The following PIK3C2G variants were observed in gnomAD, a reference collection of about 807,000 sequenced individuals.
PIK3C2G encodes phosphatidylinositol-4-phosphate 3-kinase catalytic subunit type 2 gamma.
In PIK3C2G, 168 loss-of-function variants were observed where a neutral mutation model predicts 181.1. That is an observed-to-expected ratio of 0.93 (90% CI 0.82 to 1.05). PIK3C2G has a LOEUF of 1.05. PIK3C2G is among the 50% of genes least tolerant of loss of function. PIK3C2G has a pLI of 0.00. For missense variants in PIK3C2G, 1,869 were observed against 1,732.8 expected (o/e 1.08, Z -1.40); for synonymous variants, 573 against 592.2 (o/e 0.97, Z 0.47).
Position 18,566,953 on chromosome 12 carries a change from C to T in PIK3C2G, c.3907C>T (p.Pro1303Ser), listed in dbSNP as rs146312199. ...QFASLTLPEFPHWWHLPFTNS... is the reference protein window; with the variant it reads ...QFASLTLPEFSHWWHLPFTNS... ...CTTTTTTTTCTCTTAAAACAGGTTT[C>T]CTCATTGGTGGCACCTACCTTTTAC... Residue 1303 changes from proline to serine, a missense_variant, in exon 29 of 33, where the codon CCT becomes TCT. Physicochemically the swap from Pro to Ser is moderately conservative, Grantham distance 74. Transcript: ENST00000538779. 4.4e-3 allele frequency: 6,905 copies of T among 1,560,566 alleles called. 41 individuals carry two copies. The highest frequency in any genetic ancestry group is 4.2e-3 in the Middle Eastern group (25 of 5,966).
intron 17 of PIK3C2G, among the ~76,000 whole-genome samples, chr12:18,422,457 C>A (rs79129718): frequency 1.3e-5 from 2 of 152,042 alleles, no homozygotes; most frequent in Non-Finnish European, 2.9e-5. Context: ...TATTTTGTTA[C>A]GTATTATCAT....
In PIK3C2G at chr12:18,594,516, T is replaced by C. The variant is rs1186671666; in HGVS notation, c.4034T>C (p.Phe1345Ser). 3 of 1,556,270 alleles carry C rather than the reference T, an allele frequency of 1.9e-6. No homozygotes were observed. Among genetic ancestry groups the C allele is most frequent in the South Asian group, 2.5e-5 (2 of 79,292 alleles). Residue 1345 changes from phenylalanine (F) to serine (S), a missense_variant, in exon 30 of 33, where the codon TTC (phenylalanine) becomes TCC (serine). Coordinates refer to ENST00000538779, the MANE Select transcript of PIK3C2G (RefSeq NM_001288772.2). ...VTNSDCVLSF[F>S]LSEAVQQTVE... ...CAGAGTGATTGTGTACTTAGCTTTT[T>C]CCTCTCTGAGGCTGTGCAACAAACA...
chr12:18,386,481 T>C (rs959155753), intron 14 of PIK3C2G, among the ~76,000 whole-genome samples: 1 of 152,136 alleles, frequency 6.6e-6, no homozygotes, highest in Admixed American at 6.5e-5. Context: ...TAATCTTCTT[T>C]CTATCTCTGT....
rs377195248 is a variant in PIK3C2G, at chr12:18,501,516, A to T, written c.3017-1765A>T. On this transcript the variant is annotated intron_variant, in intron 22 of 32. Transcript: ENST00000538779. Reference sequence around the variant, plus strand: ...TTGACTGGGGACACAGCTAAACCATACAACAGAGTTATTTGTTGCATTAAA... The same window carrying T: ...TTGACTGGGGACACAGCTAAACCATTCAACAGAGTTATTTGTTGCATTAAA... 2.6e-5 allele frequency among the ~76,000 whole-genome samples: 4 copies of T among 152,326 alleles called. No homozygotes were observed. The East Asian group carries it at 5.8e-4, about 22-fold the overall frequency.
At chr12:18,371,117 A>G (rs1942026304) in intron 12 of PIK3C2G, 63 bp from the exon 13 acceptor site, 1 of 1,347,442 alleles carries the variant, frequency 7.4e-7, no homozygotes, top group South Asian at 1.5e-5. Context: ...CATTATAAGA[A>G]CATTTTCATT....
chr12:18,259,503 T>C (rs574207559), upstream of PIK3C2G, among the ~76,000 whole-genome samples: 1 of 152,198 alleles, frequency 6.6e-6, no homozygotes, highest in South Asian at 2.1e-4. Flanking sequence ...GCAGTGTGTG[T>C]TCTGAAAATT....
chr12:18,361,632 T>C (rs745815257), intron 11 of PIK3C2G, among the ~76,000 whole-genome samples: 1 of 152,188 alleles, frequency 6.6e-6, no homozygotes, highest in Non-Finnish European at 1.5e-5. Context: ...ACTTGTAAAT[T>C]CCCAATTAGA....
intron 24 of PIK3C2G, among the ~76,000 whole-genome samples, chr12:18,536,546 C>T (rs547390350): frequency 1.3e-5 from 2 of 152,208 alleles, no homozygotes; most frequent in South Asian, 2.1e-4. Flanking sequence ...GCAAAAGCCT[C>T]TCTCTAATGT....
chr12:18,448,184 T>G (rs934487337), intron 18 of PIK3C2G, among the ~76,000 whole-genome samples: 1 of 152,196 alleles, frequency 6.6e-6, no homozygotes, highest in African/African-American at 2.4e-5. Flanking sequence ...TGAATAGTAT[T>G]TCCTCTCTCT....
At chr12:18,621,127 A>AT (rs1413895408) in intron 31 of PIK3C2G, among the ~76,000 whole-genome samples, 1 of 151,766 alleles carries the variant, frequency 6.6e-6, no homozygotes, top group Non-Finnish European at 1.5e-5. Flanking sequence ...TGTTTGTACA[A>AT]TTTTTTTCAG....
At chr12:18,505,018 C>T (rs979814199) in intron 23 of PIK3C2G, among the ~76,000 whole-genome samples, 1 of 152,038 alleles carries the variant, frequency 6.6e-6, no homozygotes, top group African/African-American at 2.4e-5. Flanking sequence ...CTCTAGTGAA[C>T]CAATGAAAAT....
At chr12:18,384,862 A>T (rs958125802) in intron 14 of PIK3C2G, among the ~76,000 whole-genome samples, 7 of 152,210 alleles carry the variant, frequency 4.6e-5, no homozygotes, top group African/African-American at 1.7e-4. Flanking sequence ...AATTGTATAG[A>T]CACATGAAAA....
rs539476669 is a variant in PIK3C2G at position 18,418,069 on chromosome 12, T to C, written c.2316-2872T>C. 3.7e-4 allele frequency among the ~76,000 whole-genome samples: 57 copies of C among 152,294 alleles called. No homozygotes were observed. The East Asian group carries it at 8.9e-3, about 24-fold the overall frequency. On this transcript the variant is annotated intron_variant, in intron 16 of 32. Transcript: ENST00000538779. ...AATGCATTTTTATTCATTGCAACCA[T>C]ATATGAAGTTGCTAAATCCTAGCAA...
chr12:18,512,944 C>T (rs1182743342), intron 24 of PIK3C2G, among the ~76,000 whole-genome samples: 1 of 151,732 alleles, frequency 6.6e-6, no homozygotes, highest in Admixed American at 6.6e-5. Context: ...CATATATGGC[C>T]TTTATTGTCC....
chr12:18,534,343 T>C (rs995808638), intron 24 of PIK3C2G, among the ~76,000 whole-genome samples: 8 of 152,178 alleles, frequency 5.3e-5, no homozygotes, highest in African/African-American at 1.9e-4. Context: ...TATATATACA[T>C]TTTTAAACCA....
intron 31 of PIK3C2G, among the ~76,000 whole-genome samples, chr12:18,623,500 G>A (rs754717855): frequency 4.0e-5 from 6 of 151,688 alleles, no homozygotes; most frequent in Non-Finnish European, 8.9e-5. Context: ...TTTTGCTCAT[G>A]ATGGCCTTGG....
At position 18,272,967 on chromosome 12, in the gene PIK3C2G, T is replaced by A. The variant is rs80222049; in HGVS notation, c.-78-9037T>A. ...CATTACTTCTAGGCCTTCCAAGGAATGAAGTTATAAGAAATGACACTCACA... is the reference window on the plus strand; with the variant it reads ...CATTACTTCTAGGCCTTCCAAGGAAAGAAGTTATAAGAAATGACACTCACA... On this transcript the variant is annotated intron_variant, in intron 1 of 32. Transcript: ENST00000538779. Among the ~76,000 whole-genome samples, 31 of 151,444 alleles carry A rather than the reference T, an allele frequency of 2.0e-4. No individual in the cohort carries two copies. In the East Asian group the frequency reaches 6.0e-3, roughly 29 times the overall value.
intron 17 of PIK3C2G, among the ~76,000 whole-genome samples, chr12:18,421,725 G>C (rs1945499951): frequency 6.6e-6 from 1 of 151,274 alleles, no homozygotes; most frequent in Non-Finnish European, 1.5e-5. Context: ...ATCTAAACTT[G>C]TGGTTTTTAT....
At chr12:18,703,056 A>G in the PIK3C2G span, among the ~76,000 whole-genome samples, 1 of 152,188 alleles carries the variant, frequency 6.6e-6, no homozygotes, top group Non-Finnish European at 1.5e-5. Flanking sequence ...CGGGAATGCT[A>G]GAAAAATAGA....
Sources: allele counts gnomAD v4.1 joint callset (sites outside exome capture counted in the v4.1 genomes callset), GRCh38; gene constraint gnomAD v4.1.1; transcripts MANE v1.5; gene names NCBI Gene and HGNC (gene_info 2026-07-23, HGNC 2026-07-21).